HNRNPC: variants seen among roughly 807,000 people sequenced by gnomAD.
HNRNPC encodes heterogeneous nuclear ribonucleoproteins C1/C2.
In HNRNPC, 3 loss-of-function variants were observed where a neutral mutation model predicts 33.2. The observed-to-expected ratio is 0.09, with a 90% CI of 0.04 to 0.23. The LOEUF (loss-of-function observed/expected upper bound fraction) is 0.23. Ranked by LOEUF, HNRNPC falls within the 10% of genes least tolerant of loss-of-function variation. The pLI is 1.00. For synonymous variants in HNRNPC, 121 were observed against 126.7 expected (o/e 0.96, Z 0.30); for missense variants, 143 against 366.7 (o/e 0.39, Z 4.98).
chr14:21,223,060 G>T (rs557927848), intron 5 of HNRNPC, among the ~76,000 whole-genome samples: 4 of 151,998 alleles, frequency 2.6e-5, no homozygotes, highest in African/African-American at 9.7e-5. Context: ...CAAAAAAAGA[G>T]CCCGGCGTGG....
chr14:21,255,284 T>C (rs905922160), intron 2 of HNRNPC, among the ~76,000 whole-genome samples: 4 of 152,158 alleles, frequency 2.6e-5, no homozygotes, highest in South Asian at 4.1e-4. Flanking sequence ...TCAGGAGCCA[T>C]AGGTCAATAT....
intron 2 of HNRNPC, among the ~76,000 whole-genome samples, chr14:21,235,947 A>G (rs1420291377): frequency 6.6e-6 from 1 of 152,202 alleles, no homozygotes; most frequent in African/African-American, 2.4e-5. Context: ...CAATGTTCCA[A>G]ATGGACATTT....
chr14:21,231,747 C>A (rs1247457145), intron 3 of HNRNPC, among the ~76,000 whole-genome samples: 3 of 152,170 alleles, frequency 2.0e-5, no homozygotes, highest in Admixed American at 1.3e-4. Context: ...CCCTCAGATA[C>A]CACTTCAACT....
chr14:21,218,660 AG>A (rs1221429102), intron 5 of HNRNPC, among the ~76,000 whole-genome samples: 13 of 135,432 alleles, frequency 9.6e-5, no homozygotes, highest in Middle Eastern at 4.1e-3. Flanking sequence ...CCAGCCTGGG[AG>A]ACAAAGCGAA....
At chr14:21,235,156 A>G (rs1000888771) in intron 2 of HNRNPC, among the ~76,000 whole-genome samples, 1 of 152,230 alleles carries the variant, frequency 6.6e-6, no homozygotes, top group Non-Finnish European at 1.5e-5. Flanking sequence ...GGTCCCGTAA[A>G]GCGAAAATGT....
intron 5 of HNRNPC, among the ~76,000 whole-genome samples, chr14:21,228,117 T>TTACC (rs1466525086): frequency 1.3e-5 from 2 of 152,198 alleles, no homozygotes; most frequent in Non-Finnish European, 2.9e-5. Context: ...GGTCAAGCAA[T>TTACC]TACCATGTGC....
chr14:21,245,464 T>G (rs554018157), intron 2 of HNRNPC, among the ~76,000 whole-genome samples: 1 of 152,140 alleles, frequency 6.6e-6, no homozygotes, highest in African/African-American at 2.4e-5. Context: ...ACCACTGCAC[T>G]CCAGCCTGGC....
rs762735290 is a variant in HNRNPC at position 21,213,059 on chromosome 14, G to A, written c.424C>T (p.Pro142Ser). 2.5e-6 allele frequency: 4 copies of A among 1,614,032 alleles called. No individual in the cohort carries two copies. In the Admixed American group the frequency reaches 6.7e-5, roughly 27 times the overall value. Reference sequence around the variant, plus strand: ...CCTGATACACGCTGACGTTTCGAGGGCACTACAGCCCGAGCAATAGGAGGA... The same window carrying A: ...CCTGATACACGCTGACGTTTCGAGGACACTACAGCCCGAGCAATAGGAGGA... Reference protein sequence around the residue: ...PPPPIARAVVPSKRQRVSGNT... With the variant: ...PPPPIARAVVSSKRQRVSGNT... Residue 142 changes from proline (P) to serine (S), a missense_variant, in exon 6 of 9, where the codon CCC (proline) becomes TCC (serine). By Grantham distance (74) the Pro-to-Ser change is moderately conservative. Around this residue, in one of 2 missense-constraint regions of HNRNPC, gnomAD observed 131 missense variants for 253.0 expected, o/e 0.52. Transcript: ENST00000553300.
chr14:21,244,401 C>T lies in HNRNPC; in HGVS notation c.-36-10172G>A, dbSNP rs996017468. ...AAAAAATTAAGGTCTTAAAACATCT[C>T]GATGTAAAAAACTAATTCATGTCAT... On this transcript the variant is annotated intron_variant, in intron 2 of 8. Coordinates refer to ENST00000553300, the MANE Select transcript of HNRNPC (RefSeq NM_004500.4). Among the ~76,000 whole-genome samples the T allele has an allele frequency of 5.3e-5, 8 of 152,158 alleles. No homozygotes were observed. The South Asian group carries it at 6.2e-4, about 12-fold the overall frequency.
intron 3 of HNRNPC, among the ~76,000 whole-genome samples, chr14:21,233,589 C>T (rs1450345907): frequency 6.6e-6 from 1 of 152,008 alleles, no homozygotes; most frequent in Non-Finnish European, 1.5e-5. Context: ...TGCAGTCGGC[C>T]CAACGGATGG....
At chr14:21,219,693 C>T (rs1365422355) in intron 5 of HNRNPC, among the ~76,000 whole-genome samples, 8 of 151,990 alleles carry the variant, frequency 5.3e-5, no homozygotes, top group Non-Finnish European at 1.0e-4. Flanking sequence ...GGTCACAGTA[C>T]CCCCAGAATC....
chr14:21,220,600 T>C (rs1327691310), intron 5 of HNRNPC, among the ~76,000 whole-genome samples: 1 of 152,140 alleles, frequency 6.6e-6, no homozygotes, highest in Non-Finnish European at 1.5e-5. Context: ...ATTTGTTGAG[T>C]AAATAAATGA....
At chr14:21,227,430 G>C (rs1482615582) in intron 5 of HNRNPC, among the ~76,000 whole-genome samples, 1 of 152,196 alleles carries the variant, frequency 6.6e-6, no homozygotes, top group Non-Finnish European at 1.5e-5. Context: ...GCTGACGTTA[G>C]AACAATAGAA....
At chr14:21,253,813 C>A (rs1277482873) in intron 2 of HNRNPC, among the ~76,000 whole-genome samples, 1 of 152,040 alleles carries the variant, frequency 6.6e-6, no homozygotes, top group African/African-American at 2.4e-5. Context: ...GGCCTGTAAT[C>A]CCAGCACTTT....
intron 2 of HNRNPC, 81 bp from the exon 3 acceptor site, chr14:21,234,310 G>A (rs1894429160): frequency 7.8e-7 from 1 of 1,289,658 alleles, no homozygotes; most frequent in African/African-American, 1.5e-5. Context: ...CTCTCACTCT[G>A]AATCACTGTT....
rs912282393 is a variant in HNRNPC, at chr14:21,244,292, G to A, written c.-36-10063C>T. On this transcript the variant is annotated intron_variant, in intron 2 of 8. Coordinates refer to ENST00000553300, the MANE Select transcript of HNRNPC (RefSeq NM_004500.4). Reference sequence around the variant, plus strand: ...AGGGATTATAGGCGTGAGCCCCCACGCCTGCCCGCAAGTTCTCTCTATAAA... The same window carrying A: ...AGGGATTATAGGCGTGAGCCCCCACACCTGCCCGCAAGTTCTCTCTATAAA... Among the ~76,000 whole-genome samples, 21 of 152,278 alleles carry A rather than the reference G, an allele frequency of 1.4e-4. No individual in the cohort carries two copies. The South Asian group carries it at 1.7e-3, about 12-fold the overall frequency.
intron 5 of HNRNPC, among the ~76,000 whole-genome samples, chr14:21,218,466 G>A (rs1892451757): frequency 6.7e-6 from 1 of 150,072 alleles, no homozygotes; most frequent in African/African-American, 2.5e-5. Flanking sequence ...CAGGTGGATT[G>A]CCTGAGATCA....
At chr14:21,219,496 C>CG (rs1892593822) in intron 5 of HNRNPC, among the ~76,000 whole-genome samples, 1 of 152,156 alleles carries the variant, frequency 6.6e-6, no homozygotes, top group Non-Finnish European at 1.5e-5. Flanking sequence ...ACCGCTAATT[C>CG]AAAAAGACGT....
At chr14:21,250,210 A>T (rs934301074) in intron 2 of HNRNPC, among the ~76,000 whole-genome samples, 2 of 151,664 alleles carry the variant, frequency 1.3e-5, no homozygotes, top group African/African-American at 4.8e-5. Flanking sequence ...CCGAGATCGC[A>T]CCACTGCACT....
Sources: gnomAD v4.1 joint callset for allele counts (sites outside exome capture counted in the v4.1 genomes callset) on GRCh38, gnomAD v4.1.1 for gene constraint, gnomAD v4.1.1 regional missense constraint, MANE v1.5 for transcripts, NCBI Gene and HGNC (gene_info 2026-07-23, HGNC 2026-07-21) for gene names.